Variants in BMPR1B observed in about 807,000 individuals in gnomAD.
The protein encoded by BMPR1B is bone morphogenetic protein receptor type 1B.
BMPR1B carries 12 observed loss-of-function variants against 59.1 expected under a neutral mutation model. The ratio of observed to expected loss-of-function variants is 0.20; its 90% confidence interval spans 0.13 to 0.33. The LOEUF is 0.33. Among genes scored for constraint, BMPR1B ranks in the 10% least tolerant of loss-of-function variants. The pLI is 1.00. For missense variants in BMPR1B, 550 were observed against 610.9 expected, an observed-to-expected ratio of 0.90 and a Z score of 1.05; for synonymous variants, 237 against 207.3, an observed-to-expected ratio of 1.14 and a Z score of -1.23.
At chr4:94,861,776 A>G (rs1725987053) in intron 1 of BMPR1B, among the ~76,000 whole-genome samples, 1 of 152,198 alleles carries the variant, frequency 6.6e-6, no homozygotes, top group Admixed American at 6.5e-5. Context: ...TCCAAAAGAG[A>G]AATTTAGAAA....
At chr4:94,832,331 A>G (rs1039940911) in intron 1 of BMPR1B, among the ~76,000 whole-genome samples, 1 of 152,166 alleles carries the variant, frequency 6.6e-6, no homozygotes, top group Non-Finnish European at 1.5e-5. Context: ...CTCAGAACCT[A>G]TTTCTGCCAT....
chr4:95,116,410 T>G (rs138824196), intron 6 of BMPR1B, among the ~76,000 whole-genome samples: 142 of 80,000 alleles, frequency 1.8e-3, no homozygotes, highest in African/African-American at 0.011. Context: ...TCCTCCATGC[T>G]TTCAGCGCGC....
rs199540884 is a variant in BMPR1B, at chr4:95,125,648, A to AT, written c.585+534dup. Among the ~76,000 whole-genome samples, 1,227 of 152,210 alleles carry AT rather than the reference A, an allele frequency of 8.1e-3. 15 individuals are homozygous for AT. The highest frequency in any genetic ancestry group is 0.028 in the African/African-American group (1,147 of 41,540). Reference sequence around the variant, plus strand: ...TTTGAAAATCAATAGTATTACACTTATTTTTTTCTAAAAGAGATGTACAAA... The same window carrying AT: ...TTTGAAAATCAATAGTATTACACTTATTTTTTTTCTAAAAGAGATGTACAAA... On this transcript the variant is annotated intron_variant, in intron 8 of 12. Coordinates refer to ENST00000515059, the MANE Select transcript of BMPR1B (RefSeq NM_001203.3).
intron 3 of BMPR1B, among the ~76,000 whole-genome samples, chr4:95,063,203 A>G (rs762341090): frequency 6.6e-6 from 1 of 152,196 alleles, no homozygotes; most frequent in Admixed American, 6.5e-5. Flanking sequence ...TAATAAACTA[A>G]TAGACAATAA....
chr4:94,971,972 G>A (rs559823982), intron 2 of BMPR1B, among the ~76,000 whole-genome samples: 1 of 151,720 alleles, frequency 6.6e-6, no homozygotes, highest in African/African-American at 2.4e-5. Context: ...ACATTACATT[G>A]TATTTATGTT....
intron 3 of BMPR1B, among the ~76,000 whole-genome samples, chr4:94,999,846 T>C (rs28609579): frequency 6.6e-6 from 1 of 152,112 alleles, no homozygotes. Flanking sequence ...GGTCTGAAAA[T>C]TCTCAAACCT....
At position 94,888,521 on chromosome 4, in the gene BMPR1B, C is replaced by A. The variant is rs116474389; in HGVS notation, c.-113+12621C>A. 2.0e-3 allele frequency among the ~76,000 whole-genome samples: 302 copies of A among 152,138 alleles called. 3 individuals carry two copies. The highest frequency in any genetic ancestry group is 7.0e-3 in the African/African-American group (290 of 41,530). On this transcript the variant is annotated intron_variant, in intron 2 of 12. Coordinates refer to ENST00000515059, the MANE Select transcript of BMPR1B (RefSeq NM_001203.3). ...TACAAAGCACTTACTATGCACCAGGCACTGTCCTAAACACCTTCTAAACAT... is the reference window on the plus strand; with the variant it reads ...TACAAAGCACTTACTATGCACCAGGAACTGTCCTAAACACCTTCTAAACAT...
At chr4:94,950,310 T>C (rs375782052) in intron 2 of BMPR1B, among the ~76,000 whole-genome samples, 24 of 152,294 alleles carry the variant, frequency 1.6e-4, no homozygotes, top group African/African-American at 5.1e-4. Flanking sequence ...CATTTGTCAA[T>C]GTTGGCTTTT....
At chr4:94,845,270 T>C (rs10003866) in intron 1 of BMPR1B, among the ~76,000 whole-genome samples, 92,873 of 151,574 alleles carry the variant, frequency 0.61, 29,444 homozygotes, top group African/African-American at 0.78. Flanking sequence ...ATCAGGCAGT[T>C]GTTGAACTTT....
intron 1 of BMPR1B, among the ~76,000 whole-genome samples, chr4:94,760,834 A>G (rs1202908905): frequency 6.6e-6 from 1 of 152,238 alleles, no homozygotes; most frequent in Admixed American, 6.5e-5. Context: ...GTTCTTTTCC[A>G]AATTACCTCT....
Position 94,911,718 on chromosome 4 carries a change from G to A in BMPR1B, c.-113+35818G>A, listed in dbSNP as rs139036204. Among the ~76,000 whole-genome samples the A allele has an allele frequency of 3.9e-5, 6 of 152,250 alleles. No individual in the cohort carries two copies. In the East Asian group the frequency reaches 1.2e-3, roughly 29 times the overall value. ...CTCAAAGTTGGAGATATTACAATCA[G>A]TATTTTCAACCTTCTTTCTGCTTCA... On this transcript the variant is annotated intron_variant, in intron 2 of 12. Coordinates refer to ENST00000515059, the MANE Select transcript of BMPR1B (RefSeq NM_001203.3).
At position 95,078,254 on chromosome 4, in the gene BMPR1B, A is replaced by G. The variant is rs1728859532; in HGVS notation, c.-17-26154A>G. ...ACTTGGAGGTCATCTATCACACTCTAGGAAGTAGTCTTGTGTGTGCATATT... is the reference window on the plus strand; with the variant it reads ...ACTTGGAGGTCATCTATCACACTCTGGGAAGTAGTCTTGTGTGTGCATATT... On this transcript the variant is annotated intron_variant, in intron 3 of 12. Coordinates refer to ENST00000515059, the MANE Select transcript of BMPR1B (RefSeq NM_001203.3). 2.0e-5 allele frequency among the ~76,000 whole-genome samples: 3 copies of G among 152,206 alleles called. No individual in the cohort carries two copies. The South Asian group carries it at 6.2e-4, about 31-fold the overall frequency.
At chr4:95,133,218 A>T (rs1305136810) in intron 10 of BMPR1B, among the ~76,000 whole-genome samples, 1 of 152,112 alleles carries the variant, frequency 6.6e-6, no homozygotes, top group Non-Finnish European at 1.5e-5. Context: ...ATTTTGAGTT[A>T]CTTTCTCTTT....
intron 3 of BMPR1B, among the ~76,000 whole-genome samples, chr4:95,052,449 C>T (rs1302822850): frequency 2.6e-5 from 4 of 151,944 alleles, no homozygotes. Flanking sequence ...ATATAACTGG[C>T]CGTGGCAGTG....
intron 2 of BMPR1B, among the ~76,000 whole-genome samples, chr4:94,903,664 A>G (rs1727917384): frequency 6.6e-6 from 1 of 151,928 alleles, no homozygotes; most frequent in Admixed American, 6.6e-5. Context: ...TTAAAATGTG[A>G]TTGTATTTGG....
At chr4:95,124,878 T>C in intron 7 of BMPR1B, 105 bp from the exon 8 acceptor site, 1 of 1,059,194 alleles carries the variant, frequency 9.4e-7, no homozygotes, top group Non-Finnish European at 1.4e-6. Context: ...ATGTATTATA[T>C]TTAGGTGCTA....
At chr4:95,083,898 G>A (rs948762782) in intron 3 of BMPR1B, among the ~76,000 whole-genome samples, 4 of 152,054 alleles carry the variant, frequency 2.6e-5, no homozygotes, top group African/African-American at 9.7e-5. Context: ...ATATTTTGTA[G>A]ATAATAAGCT....
intron 1 of BMPR1B, among the ~76,000 whole-genome samples, chr4:94,770,186 G>GTTTTTT (rs56902521): frequency 3.7e-5 from 2 of 54,124 alleles, no homozygotes; most frequent in Non-Finnish European, 3.6e-5. Context: ...TTCTGTGTTT[G>GTTTTTT]TTTTTTTTTT....
chr4:94,820,045 G>C (rs1023642074), intron 1 of BMPR1B, among the ~76,000 whole-genome samples: 1 of 152,088 alleles, frequency 6.6e-6, no homozygotes, highest in African/African-American at 2.4e-5. Flanking sequence ...AATTGAATTT[G>C]CCTGAATTTA....
Sources: allele counts gnomAD v4.1 joint callset (sites outside exome capture counted in the v4.1 genomes callset), GRCh38; gene constraint gnomAD v4.1.1; transcripts MANE v1.5; gene names NCBI Gene and HGNC (gene_info 2026-07-23, HGNC 2026-07-21).